FAM228B: variants seen among roughly 807,000 people sequenced by gnomAD.
FAM228B encodes the protein protein FAM228B.
In FAM228B, 38 loss-of-function variants were observed where a neutral mutation model predicts 42.6. That is an observed-to-expected ratio of 0.89 (90% CI 0.69 to 1.17). The LOEUF is 1.17. Among genes scored for constraint, FAM228B ranks in the 50% most tolerant of loss-of-function variants. FAM228B has a pLI of 0.00. For synonymous variants in FAM228B, 109 were observed against 122.3 expected (o/e 0.89, Z 0.72); for missense variants, 344 against 367.3 (o/e 0.94, Z 0.52).
chr2:24,156,300 A>C (rs888098960), intron 7 of FAM228B, among the ~76,000 whole-genome samples: 2 of 152,128 alleles, frequency 1.3e-5, no homozygotes, highest in Non-Finnish European at 2.9e-5. Context: ...TTAATCCAGC[A>C]CTGGGCTCTG....
chr2:24,088,170 G>A (rs747668586), intron 2 of FAM228B, among the ~76,000 whole-genome samples: 4 of 151,896 alleles, frequency 2.6e-5, no homozygotes, highest in East Asian at 1.9e-4. Context: ...GAGCCACTGC[G>A]CCTGGCCCTA....
At chr2:24,155,531 ATTTTTT>A (rs70944720) in intron 7 of FAM228B, among the ~76,000 whole-genome samples, 8 of 13,036 alleles carry the variant, frequency 6.1e-4, no homozygotes, top group African/African-American at 1.1e-3. Flanking sequence ...ATATATATAT[ATTTTTT>A]TTTTTTTTTT....
rs868473343 is a variant in FAM228B at position 24,079,515 on chromosome 2, GC to G, written c.-289-1358del. On this transcript the variant is annotated intron_variant, in intron 1 of 10. Transcript: ENST00000613899. ...TTAAAAAGTAGCTTTGAAAACAGGG[GC>G]CCATTGATGTCACCTCCTCCCATCA... 1.9e-6 allele frequency: 3 copies of G among 1,613,968 alleles called. No individual in the cohort carries two copies. The African/African-American group carries it at 4.0e-5, about 22-fold the overall frequency.
chr2:24,126,863 A>T (rs1018695618), intron 2 of FAM228B, among the ~76,000 whole-genome samples: 12 of 152,118 alleles, frequency 7.9e-5, no homozygotes, highest in African/African-American at 2.7e-4. Context: ...TGACTTCATG[A>T]TCTGCCCGCC....
chr2:24,080,238 T>C lies in FAM228B; in HGVS notation c.-289-638T>C, dbSNP rs1488341468. 6.6e-6 allele frequency among the ~76,000 whole-genome samples: 1 copy of C among 151,962 alleles called. No homozygotes were observed. The highest frequency in any genetic ancestry group is 2.4e-5 in the African/African-American group (1 of 41,358). On this transcript the variant is annotated intron_variant, in intron 1 of 10. Transcript: ENST00000613899. The surrounding 1 kb of genome is among the most constrained non-coding windows in gnomAD (Gnocchi z 4.7). Reference sequence around the variant, plus strand: ...TGGGCGTGGTGGTGCGCCTGTGATCTCAGCTACTCAGGAGGCTAAGGCTGG... The same window carrying C: ...TGGGCGTGGTGGTGCGCCTGTGATCCCAGCTACTCAGGAGGCTAAGGCTGG...
intron 2 of FAM228B, among the ~76,000 whole-genome samples, chr2:24,133,154 TA>T: frequency 6.6e-6 from 1 of 152,268 alleles, no homozygotes. Context: ...GGCAAGTTAA[TA>T]AAAAACTGGA....
intron 2 of FAM228B, among the ~76,000 whole-genome samples, chr2:24,089,057 T>C (rs1441319450): frequency 4.6e-5 from 7 of 152,074 alleles, no homozygotes; most frequent in Admixed American, 3.9e-4. Context: ...ATTATGAAAG[T>C]TGAGAAATGG....
At chr2:24,148,143 G>A (rs1401650000) in intron 7 of FAM228B, among the ~76,000 whole-genome samples, 3 of 152,096 alleles carry the variant, frequency 2.0e-5, no homozygotes, top group Non-Finnish European at 4.4e-5. Flanking sequence ...ACCTCCAGTG[G>A]TTAGGCTGCT....
chr2:24,150,982 G>C (rs1352020300), intron 7 of FAM228B, among the ~76,000 whole-genome samples: 1 of 151,930 alleles, frequency 6.6e-6, no homozygotes, highest in Non-Finnish European at 1.5e-5. Flanking sequence ...CTCTAGACTT[G>C]GGAAGTTCTC....
upstream of FAM228B, among the ~76,000 whole-genome samples, chr2:24,119,203 A>G (rs1037026730): frequency 2.1e-4 from 32 of 151,488 alleles, no homozygotes; most frequent in Admixed American, 1.3e-4. Context: ...CCCCACCTAC[A>G]TAGCTGACTG....
upstream of FAM228B, among the ~76,000 whole-genome samples, chr2:24,119,839 ATC>A (rs982487391): frequency 6.6e-6 from 1 of 152,176 alleles, no homozygotes; most frequent in African/African-American, 2.4e-5. Context: ...ATGTTTATAT[ATC>A]TGTTTTTGGA....
At chr2:24,081,066 C>T (rs754188822) in intron 2 of FAM228B, 2 of 1,577,290 alleles carry the variant, frequency 1.3e-6, no homozygotes, top group South Asian at 2.2e-5. Flanking sequence ...CTTTACTTTG[C>T]AACTGCTACA....
rs188733883 is a variant in FAM228B at position 24,137,959 on chromosome 2, G to C, written c.219G>C (p.Lys73Asn). 1.5e-5 allele frequency: 23 copies of C among 1,543,814 alleles called. No individual in the cohort carries two copies. In the Admixed American group the frequency reaches 4.3e-4, roughly 29 times the overall value. The change falls in exon 4 of 11, where the codon AAG becomes AAC. Residue 73 changes from lysine (K) to asparagine (N), a missense_variant. Coordinates refer to ENST00000615575, the MANE Select transcript of FAM228B (RefSeq NM_001145710.2). ...ATGCCTTCTTAAATGCAAGAAGAAA[G>C]GAGATGTTATATAAAAGATGGGTTG... ...QHHAFLNARR[K>N]EMLYKRWVDC...
At chr2:24,167,705 C>A (rs1667460231) in intron 10 of FAM228B, 22 bp downstream of exon 10, 1 of 1,550,902 alleles carries the variant, frequency 6.4e-7, no homozygotes, top group African/African-American at 1.4e-5. Flanking sequence ...CTCTCTTTCC[C>A]TTCTTACTCT....
intron 3 of FAM228B, among the ~76,000 whole-genome samples, chr2:24,116,693 A>G (rs1665929620): frequency 6.6e-6 from 1 of 151,946 alleles, no homozygotes; most frequent in South Asian, 2.1e-4. Flanking sequence ...CGTCTCTACT[A>G]AAAATACAAA....
rs185130256 is a variant in FAM228B at position 24,112,995 on chromosome 2, G to A, written c.-121+17766G>A. On this transcript the variant is annotated intron_variant, in intron 3 of 10. Transcript: ENST00000613899. Reference sequence around the variant, plus strand: ...CTAGTTTCAGGTTCCTGAAGACACAGTTAGTCTTCAGGACTGTGCTCTGTA... The same window carrying A: ...CTAGTTTCAGGTTCCTGAAGACACAATTAGTCTTCAGGACTGTGCTCTGTA... Among the ~76,000 whole-genome samples the A allele has an allele frequency of 3.7e-4, 54 of 146,100 alleles. No homozygotes were observed. In the East Asian group the frequency reaches 5.9e-3, roughly 16 times the overall value.
rs1486306346 is a variant in FAM228B, at chr2:24,167,684, G to A, written c.*14+1G>A. On this transcript the variant is annotated splice_donor_variant, in intron 10 of 10. Coordinates refer to ENST00000615575, the MANE Select transcript of FAM228B (RefSeq NM_001145710.2). LOFTEE classifies it low-confidence loss of function (3UTR_SPLICE). ...TGGAGCTATAAGAAAGAAGAGGGAG[G>A]TAGATGTCTTCTCTCTTTCCCTTCT... The A allele has an allele frequency of 1.9e-6, 3 of 1,551,304 alleles. No homozygotes were observed. The highest frequency in any genetic ancestry group is 1.4e-5 in the African/African-American group (1 of 73,012).
chr2:24,167,514 C>A (rs1012726080), intron 9 of FAM228B, 113 bp from the exon 10 acceptor site: 105 of 1,416,094 alleles, frequency 7.4e-5, no homozygotes, highest in Non-Finnish European at 9.8e-5. Flanking sequence ...TCTTCTCCTG[C>A]CCTGGGCATT....
chr2:24,095,278 C>T lies in FAM228B; in HGVS notation c.-121+49C>T, dbSNP rs7602797. 24,468 of 152,220 alleles carry T rather than the reference C, an allele frequency of 0.16. 2,128 individuals are homozygous for T. The highest frequency in any genetic ancestry group is 0.21 in the South Asian group (993 of 4,824). 9.4% of individuals were successfully genotyped at this position (152,220 alleles called of 1,614,324 possible). Reference sequence around the variant, plus strand: ...CTGGTTTGACAGTGGGTGCAGCCCACGGATGGGGAGCTGAAGCAGGGCAGG... The same window carrying T: ...CTGGTTTGACAGTGGGTGCAGCCCATGGATGGGGAGCTGAAGCAGGGCAGG... On this transcript the variant is annotated intron_variant, in intron 3 of 10. Coordinates refer to the FAM228B transcript ENST00000613899. This position sits in a 1 kb window ranked among gnomAD's most constrained non-coding sequence, Gnocchi z 4.8.
Sources: allele counts gnomAD v4.1 joint callset (sites outside exome capture counted in the v4.1 genomes callset), GRCh38; gene constraint gnomAD v4.1.1; non-coding constraint Gnocchi (gnomAD v3.1); transcripts MANE v1.5; gene names NCBI Gene and HGNC (gene_info 2026-07-23, HGNC 2026-07-21).